Variants in RLN2 observed in about 807,000 individuals in gnomAD.
RLN2 encodes relaxin 2.
RLN2 carries 10 observed loss-of-function variants against 7.3 expected under a neutral mutation model. The ratio of observed to expected loss-of-function variants is 1.36; its 90% CI spans 0.84 to 2.31. The LOEUF (loss-of-function observed/expected upper bound fraction) is 2.31, where lower values mean the gene tolerates loss of function less well. RLN2 is among the 30% of genes most tolerant of loss of function. The probability of loss-of-function intolerance (pLI) is 0.00; values close to 1 mark genes in which losing one functional copy is unlikely to be tolerated. For missense variants in RLN2, 298 were observed against 217.6 expected (o/e 1.37, Z -2.32); for synonymous variants, 103 against 82.3 (o/e 1.25, Z -1.36).
At chr9:5,333,327 A>C in the RLN2 span, among the ~76,000 whole-genome samples, 1 of 151,892 alleles carries the variant, frequency 6.6e-6, no homozygotes, top group Admixed American at 6.6e-5. Flanking sequence ...CACAATCCAA[A>C]TGATAAGGGG....
the RLN2 span, chr9:5,335,350 C>G: frequency 3.7e-6 from 6 of 1,613,472 alleles, no homozygotes; most frequent in South Asian, 4.4e-5. Context: ...AATGAGTATC[C>G]AAGCCTAAGT....
At chr9:5,307,278 TAGATAGATAGATAGATAG>T (rs1319868868), upstream of RLN2, among the ~76,000 whole-genome samples, 4 of 56,604 alleles carry the variant, frequency 7.1e-5, no homozygotes, top group Non-Finnish European at 1.4e-4. Context: ...AGAGGATAGA[TAGATAGATAGATAGATAG>T]ATAGATAGAT....
chr9:5,313,364 T>C, the RLN2 span, among the ~76,000 whole-genome samples: 1 of 151,976 alleles, frequency 6.6e-6, no homozygotes, highest in Non-Finnish European at 1.5e-5. Flanking sequence ...ATGTCTATTT[T>C]TCCTGATTTA....
chr9:5,336,788 G>C, the RLN2 span, among the ~76,000 whole-genome samples: 1 of 151,946 alleles, frequency 6.6e-6, no homozygotes, highest in Non-Finnish European at 1.5e-5. Context: ...TGAAAAGAAA[G>C]AGAAGAGAGG....
chr9:5,335,263 A>G, the RLN2 span: 1 of 1,586,100 alleles, frequency 6.3e-7, no homozygotes, highest in Non-Finnish European at 8.6e-7. Context: ...AGCAATATTT[A>G]GCAAGAGACC....
In RLN2 at chr9:5,300,437, C is replaced by T. The variant is rs188388492; in HGVS notation, c.219G>A (p.Val73=). 9.4e-6 allele frequency: 15 copies of T among 1,594,430 alleles called. No homozygotes were observed. The highest frequency in any genetic ancestry group is 1.1e-5 in the South Asian group (1 of 87,722). The part of the protein sequence containing the change: ...PQTPRPVAEI[V]PSFINKDTET... ...CTGTATCTTTGTTGATGAAGGATGG[C>T]ACAATTTCTGTTAAATTTAAAAAAA... Residue 73 remains valine (V), a synonymous_variant, in exon 2 of 2, where the codon GTG becomes GTA. Coordinates refer to ENST00000381627, the MANE Select transcript of RLN2 (RefSeq NM_134441.3).
upstream of RLN2, among the ~76,000 whole-genome samples, chr9:5,306,346 G>A (rs1009708373): frequency 6.6e-6 from 1 of 151,870 alleles, no homozygotes; most frequent in Non-Finnish European, 1.5e-5. Context: ...GACCTCAGGT[G>A]ATGCACCCAC....
the RLN2 span, among the ~76,000 whole-genome samples, chr9:5,324,971 A>T: frequency 6.6e-6 from 1 of 152,030 alleles, no homozygotes; most frequent in Admixed American, 6.6e-5. Context: ...ATTCATGCCT[A>T]AGTATAAGGA....
the RLN2 span, among the ~76,000 whole-genome samples, chr9:5,336,209 C>G: frequency 6.6e-6 from 1 of 152,092 alleles, no homozygotes; most frequent in African/African-American, 2.4e-5. Flanking sequence ...CTAATTACTC[C>G]AAATCAATAG....
At chr9:5,317,729 T>G in the RLN2 span, among the ~76,000 whole-genome samples, 14 of 151,944 alleles carry the variant, frequency 9.2e-5, no homozygotes, top group East Asian at 2.7e-3. Flanking sequence ...GAAAAATGGG[T>G]AAAAGACACA....
chr9:5,322,371 G>A, the RLN2 span, among the ~76,000 whole-genome samples: 1 of 151,974 alleles, frequency 6.6e-6, no homozygotes, highest in Non-Finnish European at 1.5e-5. Context: ...GAAGCAATAT[G>A]CTTTTAATCA....
the RLN2 span, among the ~76,000 whole-genome samples, chr9:5,332,566 T>G: frequency 6.6e-6 from 1 of 151,696 alleles, no homozygotes; most frequent in Admixed American, 6.6e-5. Context: ...AACAATTTAT[T>G]TCACCAATAC....
At chr9:5,327,411 G>T in the RLN2 span, among the ~76,000 whole-genome samples, 1 of 152,012 alleles carries the variant, frequency 6.6e-6, no homozygotes, top group South Asian at 2.1e-4. Flanking sequence ...AGCACAAACT[G>T]GGTGGAGTCC....
chr9:5,308,608 T>C (rs573247107), upstream of RLN2, among the ~76,000 whole-genome samples: 4 of 152,080 alleles, frequency 2.6e-5, no homozygotes, highest in East Asian at 7.7e-4. Context: ...GGCTCTTCCA[T>C]CTAAATTTAG....
the RLN2 span, among the ~76,000 whole-genome samples, chr9:5,328,194 A>G: frequency 6.6e-6 from 1 of 152,062 alleles, no homozygotes; most frequent in South Asian, 2.1e-4. Flanking sequence ...TAACTAGAAT[A>G]AACAGTGTAG....
At chr9:5,336,350 T>G in the RLN2 span, among the ~76,000 whole-genome samples, 12 of 152,036 alleles carry the variant, frequency 7.9e-5, no homozygotes, top group Admixed American at 4.6e-4. Flanking sequence ...GTTCCAAGGC[T>G]GCAGATCATG....
the RLN2 span, among the ~76,000 whole-genome samples, chr9:5,334,048 C>G: frequency 6.6e-6 from 1 of 151,978 alleles, no homozygotes; most frequent in Non-Finnish European, 1.5e-5. Flanking sequence ...TTATGACAAA[C>G]CCACAGCCAA....
upstream of RLN2, among the ~76,000 whole-genome samples, chr9:5,309,644 CT>C (rs1335324751): frequency 6.6e-6 from 1 of 152,060 alleles, no homozygotes; most frequent in African/African-American, 2.4e-5. Flanking sequence ...CTAACCATCT[CT>C]TACACACTCA....
At chr9:5,324,796 G>T in the RLN2 span, among the ~76,000 whole-genome samples, 8 of 152,042 alleles carry the variant, frequency 5.3e-5, no homozygotes, top group African/African-American at 1.4e-4. Flanking sequence ...TAATAAGCAT[G>T]GAATAAGTAA....
Sources: allele counts gnomAD v4.1 joint callset (sites outside exome capture counted in the v4.1 genomes callset), GRCh38; gene constraint gnomAD v4.1.1; transcripts MANE v1.5; gene names NCBI Gene and HGNC (gene_info 2026-07-23, HGNC 2026-07-21).